ANKRD13C: variants seen among roughly 807,000 people sequenced by gnomAD.
ANKRD13C encodes the protein ankyrin repeat domain-containing protein 13C.
A neutral mutation model predicts 65.5 loss-of-function variants in ANKRD13C; 16 were observed. The observed-to-expected ratio is 0.24, with a 90% confidence interval of 0.17 to 0.37. The LOEUF is 0.37. Ranked by LOEUF, ANKRD13C falls within the 10% of genes least tolerant of loss-of-function variation. ANKRD13C has a pLI of 1.00. For synonymous variants in ANKRD13C, 235 were observed against 238.7 expected, an observed-to-expected ratio of 0.98 and a Z score of 0.14; for missense variants, 503 against 655.9, an observed-to-expected ratio of 0.77 and a Z score of 2.55.
chr1:70,293,269 T>C (rs1679938021), intron 8 of ANKRD13C, among the ~76,000 whole-genome samples: 1 of 151,978 alleles, frequency 6.6e-6, no homozygotes, highest in African/African-American at 2.4e-5. Flanking sequence ...ATTCAGAGTT[T>C]GAAATACCTT....
chr1:70,312,800 A>C (rs1307050041), intron 5 of ANKRD13C, among the ~76,000 whole-genome samples: 2 of 152,186 alleles, frequency 1.3e-5, no homozygotes, highest in Admixed American at 6.5e-5. Context: ...AGTAAAATAA[A>C]GGTCACTAGA....
At chr1:70,350,279 TC>T (rs930718075) in intron 1 of ANKRD13C, among the ~76,000 whole-genome samples, 2 of 152,256 alleles carry the variant, frequency 1.3e-5, no homozygotes, top group African/African-American at 4.8e-5. Context: ...CTGGGCACCA[TC>T]TTCTAAGGGA....
At chr1:70,327,655 C>T (rs576950995) in intron 2 of ANKRD13C, among the ~76,000 whole-genome samples, 1 of 152,106 alleles carries the variant, frequency 6.6e-6, no homozygotes, top group African/African-American at 2.4e-5. Flanking sequence ...TTGGTGTGAT[C>T]ATGATAATGT....
intron 1 of ANKRD13C, among the ~76,000 whole-genome samples, chr1:70,348,336 T>TA (rs1164381032): frequency 2.6e-5 from 4 of 151,924 alleles, no homozygotes; most frequent in Non-Finnish European, 5.9e-5. Context: ...TGGAGTGCAA[T>TA]AGTGCAATCT....
intron 11 of ANKRD13C, among the ~76,000 whole-genome samples, chr1:70,272,523 T>C (rs1572026104): frequency 6.6e-6 from 1 of 152,208 alleles, no homozygotes; most frequent in East Asian, 1.9e-4. Flanking sequence ...TCCGGCTCCT[T>C]ATTTCATTTT....
Position 70,347,423 on chromosome 1 carries a change from C to T in ANKRD13C, c.430+6556G>A, listed in dbSNP as rs563024654. Among the ~76,000 whole-genome samples, 20 of 152,284 alleles carry T rather than the reference C, an allele frequency of 1.3e-4. No homozygotes were observed. In the South Asian group the frequency reaches 4.1e-3, roughly 32 times the overall value. On this transcript the variant is annotated intron_variant, in intron 1 of 12. Coordinates refer to ENST00000370944, the MANE Select transcript of ANKRD13C (RefSeq NM_030816.5). Reference sequence around the variant, plus strand: ...TAAGAATGGCATTAACTTGGGGCAGCTATCCTACCGAAAACTCAATTCTCC... The same window carrying T: ...TAAGAATGGCATTAACTTGGGGCAGTTATCCTACCGAAAACTCAATTCTCC...
chr1:70,298,180 T>G (rs1335218390), intron 7 of ANKRD13C, among the ~76,000 whole-genome samples: 1 of 152,288 alleles, frequency 6.6e-6, no homozygotes, highest in Middle Eastern at 3.4e-3. Flanking sequence ...GAATTTTATA[T>G]ATTAGCTTGG....
chr1:70,331,474 T>C (rs921958822), intron 2 of ANKRD13C, among the ~76,000 whole-genome samples: 8 of 151,234 alleles, frequency 5.3e-5, no homozygotes, highest in Admixed American at 2.6e-4. Flanking sequence ...TCACTAAAGG[T>C]ACAGTGTATC....
At position 70,354,504 on chromosome 1, in the gene ANKRD13C, G is replaced by C; in HGVS notation, c.-96C>G. The stretch of plus-strand genomic sequence containing the variant: ...ACAAGGCGATTAGAGCGGTGGCCAA[G>C]AGCCTCCAGCGCAGCATGAACTCCC... On this transcript the variant is annotated 5_prime_UTR_variant, in exon 1 of 13. Transcript: ENST00000370944. 6.8e-7 allele frequency: 1 copy of C among 1,473,254 alleles called. No homozygotes were observed. Among genetic ancestry groups the C allele is most frequent in the South Asian group, 1.4e-5 (1 of 72,028 alleles). The allele number at this position is 1,473,254 out of a possible 1,614,324, so 91.3% of individuals were successfully genotyped here.
At chr1:70,265,824 CAAAAAAAAAAAAAAAA>C (rs775757290) in intron 12 of ANKRD13C, among the ~76,000 whole-genome samples, 3 of 35,444 alleles carry the variant, frequency 8.5e-5, no homozygotes, top group Admixed American at 3.7e-4. Flanking sequence ...GACCTTGCCT[CAAAAAAAAAAAAAAAA>C]AAAAAAAAAA....
At chr1:70,279,231 G>A (rs1415106138) in intron 9 of ANKRD13C, among the ~76,000 whole-genome samples, 2 of 151,928 alleles carry the variant, frequency 1.3e-5, no homozygotes, top group East Asian at 3.9e-4. Flanking sequence ...AAGAGAGAGA[G>A]AGAGGGAAGC....
intron 9 of ANKRD13C, among the ~76,000 whole-genome samples, chr1:70,280,017 A>C (rs1288357682): frequency 6.6e-6 from 1 of 152,208 alleles, no homozygotes; most frequent in East Asian, 1.9e-4. Context: ...TTGAAGAGAA[A>C]GAAGCCTGAA....
intron 1 of ANKRD13C, among the ~76,000 whole-genome samples, chr1:70,345,196 G>A (rs1682474584): frequency 6.6e-6 from 1 of 152,028 alleles, no homozygotes; most frequent in South Asian, 2.1e-4. Flanking sequence ...TTGGGAGGAC[G>A]AGGCAAGCAG....
chr1:70,304,968 T>TA (rs1246586571), intron 6 of ANKRD13C, among the ~76,000 whole-genome samples: 2 of 152,030 alleles, frequency 1.3e-5, no homozygotes, highest in Non-Finnish European at 2.9e-5. Context: ...GAGGTTTTTT[T>TA]AAAAAACACG....
At chr1:70,336,674 C>T (rs914920591) in intron 1 of ANKRD13C, among the ~76,000 whole-genome samples, 4 of 152,068 alleles carry the variant, frequency 2.6e-5, no homozygotes, top group African/African-American at 9.7e-5. Context: ...AGCAACACTG[C>T]CTAGCATTCC....
At position 70,351,260 on chromosome 1, in the gene ANKRD13C, A is replaced by G. The variant is rs528390171; in HGVS notation, c.430+2719T>C. Among the ~76,000 whole-genome samples, 646 of 152,364 alleles carry G rather than the reference A, an allele frequency of 4.2e-3. 6 individuals carry two copies. Among genetic ancestry groups the G allele is most frequent in the South Asian group, 0.036 (172 of 4,820 alleles). On this transcript the variant is annotated intron_variant, in intron 1 of 12. Transcript: ENST00000370944. The stretch of plus-strand genomic sequence containing the variant: ...ACTGTCATCATCATGTTGTGAAAGG[A>G]ATCCTTACGGTGAACATAAAACTAT...
chr1:70,297,673 T>G (rs1680149540), intron 7 of ANKRD13C, among the ~76,000 whole-genome samples: 2 of 145,938 alleles, frequency 1.4e-5, no homozygotes, highest in Non-Finnish European at 3.0e-5. Flanking sequence ...CCCAGCACTT[T>G]GGGAGGCCAA....
At chr1:70,292,131 T>C (rs766129516) in intron 9 of ANKRD13C, 6 of 222,742 alleles carry the variant, frequency 2.7e-5, no homozygotes, top group Non-Finnish European at 5.2e-5. Flanking sequence ...AATATAATAA[T>C]AACATTAGGT....
chr1:70,293,613 A>G (rs1403615825), intron 8 of ANKRD13C: 1 of 957,578 alleles, frequency 1.0e-6, no homozygotes, highest in African/African-American at 1.8e-5. Flanking sequence ...GAAGTGATCC[A>G]TCTAATGCTG....
Sources: allele counts gnomAD v4.1 joint callset (sites outside exome capture counted in the v4.1 genomes callset), GRCh38; gene constraint gnomAD v4.1.1; transcripts MANE v1.5; gene names NCBI Gene and HGNC (gene_info 2026-07-23, HGNC 2026-07-21).